Variants in C12orf50 observed in about 807,000 individuals in gnomAD.
C12orf50 encodes uncharacterized protein C12orf50.
In C12orf50, 35 loss-of-function variants were observed where a neutral mutation model predicts 61.6. That is an observed-to-expected ratio of 0.57 (90% CI 0.43 to 0.75). C12orf50 has a LOEUF of 0.75. Ranked by LOEUF, C12orf50 falls within the 30% of genes least tolerant of loss-of-function variation. The probability of loss-of-function intolerance (pLI) is 0.00; values close to 1 mark genes in which losing one functional copy is unlikely to be tolerated. For missense variants in C12orf50, 475 were observed against 488.5 expected, an observed-to-expected ratio of 0.97 and a Z score of 0.26; for synonymous variants, 178 against 161.5, an observed-to-expected ratio of 1.10 and a Z score of -0.77.
intron 3 of C12orf50, among the ~76,000 whole-genome samples, chr12:88,012,658 C>G (rs1362656875): frequency 6.6e-6 from 1 of 152,146 alleles, no homozygotes; most frequent in African/African-American, 2.4e-5. Flanking sequence ...CTTCTTTGTA[C>G]TATTTTTGCA....
intron 3 of C12orf50, among the ~76,000 whole-genome samples, chr12:88,017,636 G>A (rs1185566139): frequency 2.6e-5 from 4 of 152,188 alleles, no homozygotes; most frequent in African/African-American, 9.6e-5. Flanking sequence ...ACAGAAAAAT[G>A]TGGGAAAGTT....
chr12:87,996,512 G>T lies in C12orf50; in HGVS notation c.368-25C>A, dbSNP rs769546186. On this transcript the variant is annotated intron_variant, in intron 5 of 12. Coordinates refer to ENST00000298699, the MANE Select transcript of C12orf50 (RefSeq NM_152589.3). ...CCTAATCAACCATAAGAAAAGTAAT[G>T]GTTAGTATATTTATCACATCAAGTA... The T allele has an allele frequency of 8.8e-6, 14 of 1,592,718 alleles. No homozygotes were observed. In the Admixed American group the frequency reaches 2.0e-4, roughly 23 times the overall value.
chr12:87,997,105 C>T (rs1200033741), intron 4 of C12orf50, among the ~76,000 whole-genome samples: 1 of 152,038 alleles, frequency 6.6e-6, no homozygotes, highest in African/African-American at 2.4e-5. Context: ...CTTTCTGGCA[C>T]CACTGTGCTG....
chr12:87,988,141 C>G (rs759699716), intron 8 of C12orf50, among the ~76,000 whole-genome samples, 175 bp from the exon 9 acceptor site: 1 of 151,974 alleles, frequency 6.6e-6, no homozygotes, highest in Non-Finnish European at 1.5e-5. Context: ...ACGTGGATTT[C>G]AAAATGTCAT....
intron 3 of C12orf50, among the ~76,000 whole-genome samples, chr12:88,010,585 G>A (rs1041241208): frequency 2.0e-5 from 3 of 151,020 alleles, no homozygotes; most frequent in Non-Finnish European, 3.0e-5. Context: ...AGCCAATATT[G>A]ATAAAATGTT....
At chr12:88,029,553 G>T (rs1174859371), upstream of C12orf50, 1 of 151,918 alleles carries the variant, frequency 6.6e-6, no homozygotes, top group Non-Finnish European at 1.5e-5. Context: ...AACTACAAAG[G>T]ACTAGCAAAA....
intron 3 of C12orf50, among the ~76,000 whole-genome samples, chr12:88,017,376 C>T (rs1183356289): frequency 6.6e-6 from 1 of 152,214 alleles, no homozygotes; most frequent in Admixed American, 6.5e-5. Flanking sequence ...TTGCCTTCCA[C>T]CATGATTGTG....
chr12:88,012,425 G>T (rs879842968), intron 3 of C12orf50, among the ~76,000 whole-genome samples: 40 of 152,084 alleles, frequency 2.6e-4, no homozygotes, highest in Non-Finnish European at 2.4e-4. Context: ...TAAACAAATT[G>T]TTTTCATTTA....
At chr12:88,010,425 T>A (rs901315095) in intron 3 of C12orf50, among the ~76,000 whole-genome samples, 1 of 124,378 alleles carries the variant, frequency 8.0e-6, no homozygotes, top group Admixed American at 7.4e-5. Flanking sequence ...AGATTAAAAT[T>A]ATTATAATCT....
intron 3 of C12orf50, among the ~76,000 whole-genome samples, chr12:88,023,946 A>G (rs1024890871): frequency 7.2e-5 from 11 of 152,168 alleles, no homozygotes; most frequent in Non-Finnish European, 1.3e-4. Context: ...AGCAAAAACT[A>G]ACAACTTCAT....
Position 87,985,935 on chromosome 12 carries a change from C to T in C12orf50, c.1041G>A (p.Leu347=), listed in dbSNP as rs1300273735. ...TGGGCCTGCTGCGGGAAGGTGCATT[C>T]AACGCGACAGTCCTGACAGCATCTC... ...VQRDAVRTVA[L]NAPSRSRPTH... is the part of the protein sequence containing the mutation. The change falls in exon 11 of 13, where the codon TTG becomes TTA. Residue 347 remains leucine, a synonymous_variant. Coordinates refer to ENST00000298699, the MANE Select transcript of C12orf50 (RefSeq NM_152589.3). 1.2e-6 allele frequency: 2 copies of T among 1,613,746 alleles called. No homozygotes were observed. Among genetic ancestry groups the T allele is most frequent in the African/African-American group, 1.3e-5 (1 of 74,880 alleles).
chr12:87,981,777 C>A (rs151108711), intron 12 of C12orf50, among the ~76,000 whole-genome samples: 7 of 152,028 alleles, frequency 4.6e-5, no homozygotes, highest in Non-Finnish European at 1.0e-4. Context: ...TCCCACGCAA[C>A]CTTAGCACTT....
intron 3 of C12orf50, among the ~76,000 whole-genome samples, chr12:88,010,403 A>AAT (rs1372248046): frequency 8.6e-6 from 1 of 115,794 alleles, no homozygotes; most frequent in East Asian, 2.0e-4. Flanking sequence ...ATAATCTTAT[A>AAT]ATAAGATTAT....
At chr12:88,022,313 T>C (rs1472338491) in intron 3 of C12orf50, among the ~76,000 whole-genome samples, 2 of 152,008 alleles carry the variant, frequency 1.3e-5, no homozygotes, top group Non-Finnish European at 2.9e-5. Context: ...CCCTTCATGC[T>C]AAAAACCCTC....
chr12:88,016,083 C>G (rs2032300056), intron 3 of C12orf50, among the ~76,000 whole-genome samples: 1 of 152,142 alleles, frequency 6.6e-6, no homozygotes, highest in African/African-American at 2.4e-5. Flanking sequence ...GTGGCTCCAA[C>G]TCATCTACTT....
chr12:87,986,413 T>C lies in C12orf50; in HGVS notation c.821A>G (p.Asn274Ser). The change falls in exon 10 of 13, where the codon AAT (asparagine) becomes AGT (serine). Residue 274 changes from asparagine to serine, a missense_variant. Asn to Ser is a conservative substitution (Grantham distance 46). Coordinates refer to ENST00000298699, the MANE Select transcript of C12orf50 (RefSeq NM_152589.3). ...MKCREDPSSM[N>S]DVQPVKKPHF... ...AGGCTTCTTCACTGGCTGGACATCA[T>C]TCACTTAGAAAAGATACAAATTTTA... 1 of 1,597,712 alleles carries C rather than the reference T, an allele frequency of 6.3e-7. No individual in the cohort carries two copies. The highest frequency in any genetic ancestry group is 8.5e-7 in the Non-Finnish European group (1 of 1,174,316).
Position 87,986,047 on chromosome 12 carries a change from T to C in C12orf50, c.929A>G (p.Gln310Arg), listed in dbSNP as rs2030804527. ...CATTTTATTTTGGGGTCTTGGGGCC[T>C]GTACTGCTGTAAAGAAAGGTGGGAG... is the stretch of plus-strand genomic sequence containing the variant. ...FPNSGMQRAVQAPRPQNKMSY... is the reference protein window; with the variant it reads ...FPNSGMQRAVRAPRPQNKMSY... The change falls in exon 11 of 13, where the codon CAG becomes CGG. Residue 310 changes from glutamine (Q) to arginine (R), a missense_variant. By Grantham distance (43) the Gln-to-Arg change is conservative. Transcript: ENST00000298699. 6.2e-7 allele frequency: 1 copy of C among 1,613,494 alleles called. No homozygotes were observed. The highest frequency in any genetic ancestry group is 1.3e-5 in the African/African-American group (1 of 74,886).
chr12:87,992,136 T>C (rs949020582), intron 7 of C12orf50, among the ~76,000 whole-genome samples: 3 of 152,190 alleles, frequency 2.0e-5, no homozygotes, highest in Non-Finnish European at 4.4e-5. Flanking sequence ...GGCTTGTTAG[T>C]GAGGCAACCT....
chr12:87,981,529 A>G (rs777973702), intron 12 of C12orf50, among the ~76,000 whole-genome samples: 2 of 152,188 alleles, frequency 1.3e-5, no homozygotes, highest in Non-Finnish European at 2.9e-5. Flanking sequence ...TCCTCAGACC[A>G]TAGTTTAGTT....
Sources: allele counts gnomAD v4.1 joint callset (sites outside exome capture counted in the v4.1 genomes callset), GRCh38; gene constraint gnomAD v4.1.1; transcripts MANE v1.5; gene names NCBI Gene and HGNC (gene_info 2026-07-23, HGNC 2026-07-21).